Variants in CCDC178 observed in about 807,000 individuals in gnomAD.
The protein encoded by CCDC178 is coiled-coil domain containing 178, also known as coiled-coil domain-containing protein 178.
In CCDC178, 126 loss-of-function variants were observed where a neutral mutation model predicts 117.4. That is an observed-to-expected ratio of 1.07 (90% CI 0.93 to 1.24). The LOEUF is 1.24. CCDC178 is among the 50% of genes most tolerant of loss of function. The pLI, the probability that CCDC178 is intolerant of heterozygous loss-of-function variation, is 0.00. For synonymous variants in CCDC178, 283 were observed against 313.4 expected, an observed-to-expected ratio of 0.90 and a Z score of 1.02; for missense variants, 1,030 against 986.9, an observed-to-expected ratio of 1.04 and a Z score of -0.59.
intron 21 of CCDC178, among the ~76,000 whole-genome samples, chr18:33,015,579 C>CA (rs1259082475): frequency 4.7e-5 from 7 of 148,060 alleles, no homozygotes; most frequent in African/African-American, 1.8e-4. Context: ...ACAACAACAA[C>CA]AACAAACAAC....
chr18:33,189,878 A>G (rs527986238), intron 20 of CCDC178, among the ~76,000 whole-genome samples: 1 of 152,318 alleles, frequency 6.6e-6, no homozygotes. Flanking sequence ...CAATTTTGAA[A>G]GCATACTGAA....
chr18:32,975,490 CG>C (rs1299375038), intron 21 of CCDC178, among the ~76,000 whole-genome samples: 1 of 152,034 alleles, frequency 6.6e-6, no homozygotes, highest in Non-Finnish European at 1.5e-5. Flanking sequence ...CACCAGTTAC[CG>C]TAGGCACGCC....
At chr18:33,399,574 T>C (rs2091840586) in intron 3 of CCDC178, among the ~76,000 whole-genome samples, 1 of 152,224 alleles carries the variant, frequency 6.6e-6, no homozygotes, top group African/African-American at 2.4e-5. Context: ...ATAGAGTTCA[T>C]CTCAGGAAAC....
At chr18:33,105,294 T>C (rs1394435867) in intron 20 of CCDC178, among the ~76,000 whole-genome samples, 1 of 151,702 alleles carries the variant, frequency 6.6e-6, no homozygotes, top group Non-Finnish European at 1.5e-5. Flanking sequence ...TCACCATGTT[T>C]TATTATAGTT....
chr18:32,967,355 G>T (rs899242781), intron 22 of CCDC178, among the ~76,000 whole-genome samples: 1 of 151,244 alleles, frequency 6.6e-6, no homozygotes, highest in African/African-American at 2.4e-5. Context: ...ATATTATAAA[G>T]TTATGTTGTC....
intron 12 of CCDC178, among the ~76,000 whole-genome samples, chr18:33,277,119 TA>T (rs2059960580): frequency 6.6e-6 from 1 of 152,046 alleles, no homozygotes; most frequent in Non-Finnish European, 1.5e-5. Context: ...TGTAATCAGA[TA>T]AAAAATAATG....
At chr18:33,290,132 T>C (rs1020379885) in intron 12 of CCDC178, among the ~76,000 whole-genome samples, 8 of 152,098 alleles carry the variant, frequency 5.3e-5, no homozygotes, top group African/African-American at 1.7e-4. Context: ...ATATAAAAGA[T>C]TTAAATAACA....
chr18:33,383,480 G>C (rs1195349719), intron 5 of CCDC178, among the ~76,000 whole-genome samples: 1 of 151,760 alleles, frequency 6.6e-6, no homozygotes, highest in Non-Finnish European at 1.5e-5. Context: ...GGTGGCATCA[G>C]GTCAGTGCCC....
At chr18:32,979,454 C>T (rs1033838098) in intron 21 of CCDC178, among the ~76,000 whole-genome samples, 4 of 152,076 alleles carry the variant, frequency 2.6e-5, no homozygotes, top group Non-Finnish European at 4.4e-5. Flanking sequence ...CCGCTGCGCC[C>T]GGTCCATTTT....
intron 20 of CCDC178, among the ~76,000 whole-genome samples, chr18:33,101,873 A>T (rs972633465): frequency 4.6e-5 from 7 of 151,968 alleles, no homozygotes; most frequent in African/African-American, 1.7e-4. Flanking sequence ...GTAGTCAGAT[A>T]ACCTGATGCC....
At chr18:33,158,375 A>C (rs2058425148) in intron 20 of CCDC178, among the ~76,000 whole-genome samples, 1 of 152,170 alleles carries the variant, frequency 6.6e-6, no homozygotes, top group South Asian at 2.1e-4. Context: ...ATCATTGTTA[A>C]TTGTAAATTT....
intron 20 of CCDC178, among the ~76,000 whole-genome samples, chr18:33,176,405 TCTTA>T (rs1377698054): frequency 2.0e-5 from 3 of 152,166 alleles, no homozygotes; most frequent in Non-Finnish European, 2.9e-5. Context: ...AATATTTTTC[TCTTA>T]CTATCATATT....
chr18:33,145,680 T>TA (rs1213164779), intron 20 of CCDC178, among the ~76,000 whole-genome samples: 2 of 152,130 alleles, frequency 1.3e-5, no homozygotes, highest in East Asian at 1.9e-4. Flanking sequence ...AGAATACACA[T>TA]AAAAAAATTT....
intron 10 of CCDC178, among the ~76,000 whole-genome samples, chr18:33,332,438 A>G (rs1314035531): frequency 6.6e-6 from 1 of 152,158 alleles, no homozygotes; most frequent in Non-Finnish European, 1.5e-5. Context: ...TAAATATCTA[A>G]TTAACCTTTA....
intron 15 of CCDC178, among the ~76,000 whole-genome samples, chr18:33,239,915 T>C (rs1328506271): frequency 5.3e-5 from 8 of 151,952 alleles, no homozygotes; most frequent in Admixed American, 5.2e-4. Flanking sequence ...GAACATTTCA[T>C]TGAACAGCTG....
chr18:32,997,766 T>C (rs575325570), intron 21 of CCDC178, among the ~76,000 whole-genome samples: 19 of 152,264 alleles, frequency 1.2e-4, no homozygotes, highest in African/African-American at 4.8e-5. Context: ...TCTGCTTCTC[T>C]GGAGAATCCT....
At chr18:33,039,758 C>T (rs1438213727) in intron 21 of CCDC178, among the ~76,000 whole-genome samples, 1 of 151,836 alleles carries the variant, frequency 6.6e-6, no homozygotes, top group Non-Finnish European at 1.5e-5. Context: ...AATGACCCTT[C>T]AGAAACGAAA....
intron 14 of CCDC178, among the ~76,000 whole-genome samples, chr18:33,256,587 C>G (rs962117430): frequency 6.6e-6 from 1 of 151,978 alleles, no homozygotes; most frequent in African/African-American, 2.4e-5. Flanking sequence ...GGGATTTATG[C>G]TGCTGTTTGA....
chr18:33,225,152 A>AAT (rs1283743403), intron 16 of CCDC178, among the ~76,000 whole-genome samples: 5 of 150,716 alleles, frequency 3.3e-5, no homozygotes, highest in African/African-American at 4.9e-5. Context: ...AATATAATAT[A>AAT]ATATATATAT....
Sources: gnomAD v4.1 joint callset for allele counts (sites outside exome capture counted in the v4.1 genomes callset) on GRCh38, gnomAD v4.1.1 for gene constraint, MANE v1.5 for transcripts, NCBI Gene and HGNC (gene_info 2026-07-23, HGNC 2026-07-21) for gene names.